Variants in STIM2 observed in about 807,000 individuals in gnomAD.
STIM2 encodes the protein stromal interaction molecule 2.
A neutral mutation model predicts 85.8 loss-of-function variants in STIM2; 31 were observed. That is an observed-to-expected ratio of 0.36 (90% CI 0.27 to 0.49). The LOEUF (loss-of-function observed/expected upper bound fraction) is 0.49. Among genes scored for constraint, STIM2 ranks in the 20% least tolerant of loss-of-function variants. STIM2 has a pLI of 0.98. For missense variants in STIM2, 841 were observed against 927.6 expected (o/e 0.91, Z 1.21); for synonymous variants, 356 against 331.1 (o/e 1.08, Z -0.82).
chr4:26,938,111 A>T (rs2109079657), intron 2 of STIM2, among the ~76,000 whole-genome samples: 1 of 151,984 alleles, frequency 6.6e-6, no homozygotes, highest in South Asian at 2.1e-4. Context: ...TATTAAAATA[A>T]TGTTGACTCT....
At chr4:26,899,630 A>T (rs1451441549) in intron 1 of STIM2, among the ~76,000 whole-genome samples, 1 of 152,188 alleles carries the variant, frequency 6.6e-6, no homozygotes, top group African/African-American at 2.4e-5. Flanking sequence ...GACAGAGCTG[A>T]TAATTATAAG....
At chr4:27,006,389 A>G (rs996630661) in intron 7 of STIM2, among the ~76,000 whole-genome samples, 1 of 152,200 alleles carries the variant, frequency 6.6e-6, no homozygotes, top group African/African-American at 2.4e-5. Flanking sequence ...GTTTGTTCAG[A>G]TCAAACATTC....
intron 1 of STIM2, among the ~76,000 whole-genome samples, chr4:26,897,514 G>T (rs1723752383): frequency 6.6e-6 from 1 of 152,208 alleles, no homozygotes; most frequent in Admixed American, 6.5e-5. Flanking sequence ...ACACAGTAGT[G>T]TAATAAATTT....
At chr4:27,016,236 A>G (rs1728726821) in intron 10 of STIM2, among the ~76,000 whole-genome samples, 1 of 152,172 alleles carries the variant, frequency 6.6e-6, no homozygotes, top group Admixed American at 6.5e-5. Context: ...ATGTAAAAAA[A>G]TCCCTATTTT....
intron 4 of STIM2, 41 bp from the exon 5 acceptor site, chr4:26,999,191 T>C: frequency 1.2e-6 from 1 of 851,674 alleles, no homozygotes; most frequent in Admixed American, 3.7e-5. Flanking sequence ...TATTTTCATT[T>C]AATATATATA....
intron 2 of STIM2, among the ~76,000 whole-genome samples, chr4:26,937,105 G>A (rs1440608518): frequency 6.6e-6 from 1 of 151,970 alleles, no homozygotes; most frequent in Non-Finnish European, 1.5e-5. Context: ...CTTTTTTCTG[G>A]GAGTTGCCAC....
At chr4:26,988,007 C>T (rs929753640) in intron 3 of STIM2, among the ~76,000 whole-genome samples, 3 of 152,106 alleles carry the variant, frequency 2.0e-5, no homozygotes, top group East Asian at 3.8e-4. Context: ...ATCACTTGGC[C>T]TCTCTTGGCC....
At chr4:26,861,990 G>A (rs188779928) in intron 1 of STIM2, among the ~76,000 whole-genome samples, 1 of 152,248 alleles carries the variant, frequency 6.6e-6, no homozygotes, top group African/African-American at 2.4e-5. Context: ...AGTGTTTGGT[G>A]GTGGGAGCAT....
chr4:26,895,336 A>G (rs1723658502), intron 1 of STIM2, among the ~76,000 whole-genome samples: 1 of 152,152 alleles, frequency 6.6e-6, no homozygotes, highest in Admixed American at 6.5e-5. Context: ...ATTTATTCCT[A>G]GGTACTGTAT....
At chr4:26,900,048 C>T (rs1034902228) in intron 1 of STIM2, among the ~76,000 whole-genome samples, 4 of 152,046 alleles carry the variant, frequency 2.6e-5, no homozygotes, top group South Asian at 2.1e-4. Context: ...TAACCATAAA[C>T]GGAAAGTTTT....
At chr4:26,867,198 A>C (rs1225078476) in intron 1 of STIM2, among the ~76,000 whole-genome samples, 1 of 152,208 alleles carries the variant, frequency 6.6e-6, no homozygotes, top group Non-Finnish European at 1.5e-5. Flanking sequence ...TTAAGATATA[A>C]AAATTACCTT....
chr4:26,981,396 A>G (rs1310151989), intron 3 of STIM2, among the ~76,000 whole-genome samples: 2 of 152,246 alleles, frequency 1.3e-5, no homozygotes, highest in South Asian at 2.1e-4. Flanking sequence ...GTAATGGAGA[A>G]GCTCGCAATT....
intron 3 of STIM2, among the ~76,000 whole-genome samples, chr4:26,968,907 A>G (rs1726829470): frequency 6.6e-6 from 1 of 152,150 alleles, no homozygotes; most frequent in Non-Finnish European, 1.5e-5. Context: ...TTAAAGTTGA[A>G]CATTAAAAAA....
intron 1 of STIM2, among the ~76,000 whole-genome samples, chr4:26,878,920 C>G (rs1171228945): frequency 3.9e-5 from 6 of 152,138 alleles, no homozygotes; most frequent in African/African-American, 1.4e-4. Context: ...GGGAAACTAC[C>G]CCTGTGGGCC....
chr4:26,892,991 C>T (rs1723552146), intron 1 of STIM2, among the ~76,000 whole-genome samples: 2 of 152,200 alleles, frequency 1.3e-5, no homozygotes, highest in African/African-American at 4.8e-5. Flanking sequence ...AATGCACTGT[C>T]ATTCTCCAAA....
chr4:26,874,844 A>G (rs1722759624), intron 1 of STIM2, among the ~76,000 whole-genome samples: 1 of 152,212 alleles, frequency 6.6e-6, no homozygotes, highest in Non-Finnish European at 1.5e-5. Context: ...CTTTTTAGGT[A>G]CCGGAGAAGT....
chr4:26,942,019 A>G (rs1432158643), intron 2 of STIM2, among the ~76,000 whole-genome samples: 1 of 152,162 alleles, frequency 6.6e-6, no homozygotes, highest in Non-Finnish European at 1.5e-5. Flanking sequence ...ATTTAAAAAT[A>G]AATTCCATTG....
chr4:27,013,880 T>C (rs988353266), intron 10 of STIM2, among the ~76,000 whole-genome samples: 6 of 152,154 alleles, frequency 3.9e-5, no homozygotes, highest in African/African-American at 1.2e-4. Context: ...GACCTTGATG[T>C]ATATATGTTT....
At chr4:27,003,420 A>G (rs1728227640) in intron 7 of STIM2, among the ~76,000 whole-genome samples, 1 of 152,216 alleles carries the variant, frequency 6.6e-6, no homozygotes, top group Non-Finnish European at 1.5e-5. Context: ...ATGTAGTAAG[A>G]TATAAAGTAT....
Sources: allele counts gnomAD v4.1 joint callset (sites outside exome capture counted in the v4.1 genomes callset), GRCh38; gene constraint gnomAD v4.1.1; transcripts MANE v1.5; gene names NCBI Gene and HGNC (gene_info 2026-07-23, HGNC 2026-07-21).